Variants in SRPK2 observed in about 807,000 individuals in gnomAD.
The protein encoded by SRPK2 is SFRS protein kinase 2.
SRPK2 carries 21 observed loss-of-function variants against 90.8 expected under a neutral mutation model. The ratio of observed to expected loss-of-function variants is 0.23; its 90% CI spans 0.16 to 0.33. The LOEUF (loss-of-function observed/expected upper bound fraction) is 0.33, where lower values mean the gene tolerates loss of function less well. Among genes scored for constraint, SRPK2 ranks in the 10% least tolerant of loss-of-function variants. The pLI is 1.00. For missense variants in SRPK2, 620 were observed against 869.0 expected (o/e 0.71, Z 3.60); for synonymous variants, 288 against 311.1 (o/e 0.93, Z 0.78).
intron 2 of SRPK2, among the ~76,000 whole-genome samples, chr7:105,374,812 T>C (rs758382147): frequency 6.6e-6 from 1 of 152,156 alleles, no homozygotes; most frequent in Non-Finnish European, 1.5e-5. Context: ...TTGCACCATA[T>C]TGGCTAGGCT....
Position 105,322,366 on chromosome 7 carries a change from G to A in SRPK2, c.71+66282C>T, listed in dbSNP as rs75440528. ...CAAGAGGTGGAGGCTGCAGTGCACC[G>A]AGATCGTGACACGGCACTTCAGCCT... On this transcript the variant is annotated intron_variant, in intron 2 of 15. Transcript: ENST00000393651. Among the ~76,000 whole-genome samples the A allele has an allele frequency of 4.3e-3, 660 of 151,888 alleles. 4 individuals are homozygous for A. The highest frequency in any genetic ancestry group is 0.015 in the African/African-American group (623 of 41,400).
At chr7:105,154,121 CT>C (rs1027410159) in intron 7 of SRPK2, among the ~76,000 whole-genome samples, 1 of 152,240 alleles carries the variant, frequency 6.6e-6, no homozygotes, top group African/African-American at 2.4e-5. Context: ...GCCTCTGCTC[CT>C]TTTTCTTTCA....
intron 3 of SRPK2, among the ~76,000 whole-genome samples, chr7:105,188,811 T>A (rs958360311): frequency 7.2e-5 from 11 of 152,216 alleles, no homozygotes; most frequent in African/African-American, 2.7e-4. Flanking sequence ...TTTGTAAATG[T>A]TTTTAGAATA....
chr7:105,278,566 G>C (rs921238358), intron 2 of SRPK2, among the ~76,000 whole-genome samples: 2 of 150,590 alleles, frequency 1.3e-5, no homozygotes, highest in African/African-American at 4.9e-5. Context: ...TGTGCCTGTA[G>C]TCTGAGCTAC....
intron 2 of SRPK2, among the ~76,000 whole-genome samples, chr7:105,328,223 T>C (rs1036039177): frequency 1.3e-5 from 2 of 151,698 alleles, no homozygotes; most frequent in African/African-American, 4.8e-5. Context: ...GATTGCAGAG[T>C]GGAAGGAGTG....
Position 105,146,552 on chromosome 7 carries a change from A to C in SRPK2, c.728T>G (p.Met243Arg). 6.2e-7 allele frequency: 1 copy of C among 1,614,176 alleles called. No individual in the cohort carries two copies. The highest frequency in any genetic ancestry group is 8.5e-7 in the Non-Finnish European group (1 of 1,180,018). Residue 243 changes from methionine (M) to arginine (R), a missense_variant, in exon 8 of 16, where the codon ATG (methionine) becomes AGG (arginine). By Grantham distance (91) the Met-to-Arg change is moderately conservative (BLOSUM62 -1). Around this residue, in one of 8 missense-constraint regions of SRPK2, gnomAD observed 196 missense variants for 339.2 expected, o/e 0.58. Transcript: ENST00000393651. ...MCVDDAYVRRMAAEATEWQKA... is the reference protein window; with the variant it reads ...MCVDDAYVRRRAAEATEWQKA... ...CTGCCACTCAGTGGCCTCAGCTGCC[A>C]TTCTTCTCACATATGCATCATCCAC...
chr7:105,298,839 G>A, intron 2 of SRPK2: 4 of 971,188 alleles, frequency 4.1e-6, no homozygotes, highest in Non-Finnish European at 4.9e-6. Context: ...ATGCCAGCAA[G>A]AGAACCTGTG....
intron 2 of SRPK2, chr7:105,304,210 T>C (rs577556993): frequency 6.6e-6 from 1 of 152,320 alleles, no homozygotes; most frequent in African/African-American, 2.4e-5. Flanking sequence ...TAGAAACTAG[T>C]TTCATCATCC....
intron 3 of SRPK2, among the ~76,000 whole-genome samples, chr7:105,170,948 A>AAAG (rs1491501740): frequency 2.5e-5 from 1 of 40,650 alleles, no homozygotes; most frequent in Non-Finnish European, 7.2e-5. Flanking sequence ...AGAAAGAAAG[A>AAAG]AAGAAAGAAA....
rs146433754 is a variant in SRPK2 at position 105,131,296 on chromosome 7, G to A, written c.1752+1495C>T. 2.8e-4 allele frequency among the ~76,000 whole-genome samples: 42 copies of A among 152,146 alleles called. 2 individuals carry two copies. Among genetic ancestry groups the A allele is most frequent in the South Asian group, 1.7e-3 (8 of 4,808 alleles). On this transcript the variant is annotated intron_variant, in intron 13 of 15. Coordinates refer to ENST00000393651, the MANE Select transcript of SRPK2 (RefSeq NM_182692.3). ...CCCACTCAGTGTCTCCGCAGCTCCC[G>A]TTACACTAACTCCCACGTCTCAGTC...
intron 2 of SRPK2, among the ~76,000 whole-genome samples, chr7:105,320,348 G>C (rs1812803588): frequency 6.6e-6 from 1 of 152,168 alleles, no homozygotes. Flanking sequence ...AAGAGGAAAA[G>C]AGGAACTACA....
chr7:105,396,781 AGAAAGAAAGAAAGAGAAAG>A, intron 1 of SRPK2, among the ~76,000 whole-genome samples: 1 of 137,952 alleles, frequency 7.2e-6, no homozygotes, highest in East Asian at 2.5e-4. Flanking sequence ...AGAAAGAGAG[AGAAAGAAAGAAAGAGAAAG>A]AGAAAGAAAG....
At chr7:105,350,610 G>A (rs981702532) in intron 2 of SRPK2, among the ~76,000 whole-genome samples, 12 of 140,436 alleles carry the variant, frequency 8.5e-5, no homozygotes, top group African/African-American at 2.9e-4. Flanking sequence ...CGCAACCTCC[G>A]CCTCCCCCGT....
At chr7:105,232,908 G>T (rs1430454048) in intron 2 of SRPK2, among the ~76,000 whole-genome samples, 2 of 151,976 alleles carry the variant, frequency 1.3e-5, no homozygotes, top group African/African-American at 4.8e-5. Flanking sequence ...AGCTATTCAG[G>T]AGCCTGAGGC....
chr7:105,222,157 G>C (rs922169595), intron 2 of SRPK2, among the ~76,000 whole-genome samples: 1 of 151,976 alleles, frequency 6.6e-6, no homozygotes, highest in Non-Finnish European at 1.5e-5. Flanking sequence ...AAATTGTTAG[G>C]GCACAGTACC....
chr7:105,205,993 G>A (rs991838562), intron 2 of SRPK2: 6 of 518,848 alleles, frequency 1.2e-5, no homozygotes, highest in African/African-American at 7.7e-5. Flanking sequence ...AAGAAATGAT[G>A]GCTCTTGTGC....
intron 3 of SRPK2, among the ~76,000 whole-genome samples, chr7:105,197,496 C>T (rs1012709365): frequency 6.6e-6 from 1 of 152,168 alleles, no homozygotes; most frequent in African/African-American, 2.4e-5. Context: ...CCCAGATCCA[C>T]CTGAACATCA....
At chr7:105,219,177 T>G (rs1033381339) in intron 2 of SRPK2, among the ~76,000 whole-genome samples, 2 of 152,172 alleles carry the variant, frequency 1.3e-5, no homozygotes, top group Admixed American at 6.5e-5. Context: ...ACCTCCAGTG[T>G]AACCAGATCA....
chr7:105,254,349 AG>A lies in SRPK2; in HGVS notation c.72-50565del, dbSNP rs1171627830. ...ATTTCAAGTGAGGGTGTAAGTTAAA[AG>A]GTTCTCTTATACACTGCCAATGACA... On this transcript the variant is annotated intron_variant, in intron 2 of 15. Transcript: ENST00000393651. 3.3e-5 allele frequency among the ~76,000 whole-genome samples: 5 copies of A among 152,364 alleles called. No individual in the cohort carries two copies. The East Asian group carries it at 9.6e-4, about 29-fold the overall frequency.
Sources: gnomAD v4.1 joint callset for allele counts (sites outside exome capture counted in the v4.1 genomes callset) on GRCh38, gnomAD v4.1.1 for gene constraint, gnomAD v4.1.1 regional missense constraint, MANE v1.5 for transcripts, NCBI Gene and HGNC (gene_info 2026-07-23, HGNC 2026-07-21) for gene names.